STK10: variants seen among roughly 807,000 people sequenced by gnomAD.
The protein encoded by STK10 is serine/threonine-protein kinase 10.
In STK10, 78 loss-of-function variants were observed where a neutral mutation model predicts 113.8. That is an observed-to-expected ratio of 0.69 (90% CI 0.57 to 0.83). The LOEUF (loss-of-function observed/expected upper bound fraction) is 0.83, where lower values mean the gene tolerates loss of function less well. Ranked by LOEUF, STK10 falls within the 40% of genes least tolerant of loss-of-function variation. STK10 has a pLI of 0.00. For synonymous variants in STK10, 465 were observed against 494.7 expected (o/e 0.94, Z 0.80); for missense variants, 1,109 against 1,280.1 (o/e 0.87, Z 2.04).
intron 6 of STK10, among the ~76,000 whole-genome samples, chr5:172,106,401 CAAA>C (rs368671444): frequency 0.067 from 3,580 of 53,454 alleles, 283 homozygotes; most frequent in African/African-American, 0.19. Flanking sequence ...GACCCTATCT[CAAA>C]AAAAAAAAAA....
intron 16 of STK10, among the ~76,000 whole-genome samples, chr5:172,055,068 C>T (rs1767715033): frequency 6.6e-6 from 1 of 152,220 alleles, no homozygotes; most frequent in African/African-American, 2.4e-5. Context: ...GAATTGGCAA[C>T]ATAGCACCAA....
intron 1 of STK10, among the ~76,000 whole-genome samples, chr5:172,159,296 T>C (rs1303478517): frequency 6.6e-6 from 1 of 152,044 alleles, no homozygotes; most frequent in Admixed American, 6.6e-5. Context: ...TCCCAGCATT[T>C]GGGAATCCGA....
intron 13 of STK10, among the ~76,000 whole-genome samples, chr5:172,062,952 T>C (rs1206872076): frequency 3.3e-5 from 5 of 152,228 alleles, no homozygotes; most frequent in South Asian, 2.1e-4. Flanking sequence ...CTTTCCATGT[T>C]ATAATGTGAT....
chr5:172,094,248 G>A (rs767237041), intron 8 of STK10, among the ~76,000 whole-genome samples: 25 of 152,188 alleles, frequency 1.6e-4, no homozygotes, highest in Non-Finnish European at 2.9e-4. Context: ...GCCAGCTCAT[G>A]GCCCACAGGG....
At chr5:172,060,915 C>A (rs898017883) in intron 14 of STK10, among the ~76,000 whole-genome samples, 2 of 152,228 alleles carry the variant, frequency 1.3e-5, no homozygotes, top group Admixed American at 6.5e-5. Context: ...CTTTTCTTCT[C>A]TTGACTTCTG....
chr5:172,074,512 A>G (rs1353172834), intron 12 of STK10, among the ~76,000 whole-genome samples: 1 of 152,194 alleles, frequency 6.6e-6, no homozygotes, highest in Non-Finnish European at 1.5e-5. Context: ...TTATTATAGC[A>G]GTAATAATAA....
At chr5:172,067,001 C>T (rs1245022134) in intron 12 of STK10, among the ~76,000 whole-genome samples, 1 of 152,156 alleles carries the variant, frequency 6.6e-6, no homozygotes, top group Non-Finnish European at 1.5e-5. Flanking sequence ...AAACAAAAAA[C>T]ATCTACATTC....
rs1356397656 is a variant in STK10 at position 172,082,776 on chromosome 5, C to T, written c.1809+185G>A. ...GAGATCCTCCTGTGGGACTCAGGAT[C>T]GCTGTGACCTTCACGGGGTTCTGTG... On this transcript the variant is annotated intron_variant, in intron 11 of 18. Coordinates refer to ENST00000176763, the MANE Select transcript of STK10 (RefSeq NM_005990.4). The surrounding 1 kb of genome is among the most constrained non-coding windows in gnomAD (Gnocchi z 4.3). Among the ~76,000 whole-genome samples, 3 of 152,156 alleles carry T rather than the reference C, an allele frequency of 2.0e-5. No homozygotes were observed. Among genetic ancestry groups the T allele is most frequent in the South Asian group, 4.1e-4 (2 of 4,830 alleles).
At chr5:172,056,538 G>T (rs1767764081) in intron 15 of STK10, among the ~76,000 whole-genome samples, 1 of 151,892 alleles carries the variant, frequency 6.6e-6, no homozygotes, top group Non-Finnish European at 1.5e-5. Flanking sequence ...GGAAAGGGAG[G>T]ACAAAAAGAG....
intron 12 of STK10, among the ~76,000 whole-genome samples, chr5:172,076,618 A>G (rs907260009): frequency 6.6e-6 from 1 of 152,204 alleles, no homozygotes; most frequent in Non-Finnish European, 1.5e-5. Context: ...ATGTTTCCAG[A>G]TATTGCCAAT....
rs773801881 is a variant in STK10 at position 172,064,725 on chromosome 5, GCTGCTTTTT to G, written c.2068_2076del (p.Lys690_Gln692del). The G allele has an allele frequency of 6.2e-7, 1 of 1,614,082 alleles. No individual in the cohort carries two copies. Among genetic ancestry groups the G allele is most frequent in the South Asian group, 1.1e-5 (1 of 91,080 alleles). ...AGCTGAGGCCAGGGACTCACAAGAA[GCTGCTTTTT>G]CTGCGTGTGCTCCTCCATCTTCTGC... is the stretch of plus-strand genomic sequence containing the variant. On this transcript the variant is annotated inframe_deletion, in exon 13 of 19. Coordinates refer to ENST00000176763, the MANE Select transcript of STK10 (RefSeq NM_005990.4).
chr5:172,054,792 G>A, intron 16 of STK10, 98 bp from the exon 17 acceptor site: 1 of 1,540,286 alleles, frequency 6.5e-7, no homozygotes. Flanking sequence ...CCCTCAGGGG[G>A]ACTGGTCTGT....
intron 10 of STK10, among the ~76,000 whole-genome samples, chr5:172,085,874 T>A (rs908051109): frequency 6.6e-6 from 1 of 152,070 alleles, no homozygotes; most frequent in East Asian, 1.9e-4. Flanking sequence ...CTGATTCCCA[T>A]GAGGCCACGC....
intron 10 of STK10, among the ~76,000 whole-genome samples, chr5:172,085,942 C>T (rs1768549573): frequency 6.6e-6 from 1 of 151,988 alleles, no homozygotes; most frequent in South Asian, 2.1e-4. Context: ...CACAGAACTG[C>T]CCCCCAAGAG....
rs566340494 is a variant in STK10 at position 172,055,579 on chromosome 5, G to A, written c.2526+9C>T. 1.5e-4 allele frequency: 212 copies of A among 1,458,144 alleles called. No individual in the cohort carries two copies. In the South Asian group the frequency reaches 2.2e-3, roughly 15 times the overall value. The allele number at this position is 1,458,144 out of a possible 1,614,324, so 90.3% of individuals were successfully genotyped here. A position where few individuals can be genotyped will look rare whatever the true frequency, so the allele number is the denominator to read the frequency against. ...GCACACTTGCAGACCCCGCAGGCCC[G>A]GCCCCCACCTGCTTGATCTTCTCAC... On this transcript the variant is annotated intron_variant, in intron 16 of 18. Coordinates refer to ENST00000176763, the MANE Select transcript of STK10 (RefSeq NM_005990.4).
chr5:172,099,788 C>T lies in STK10; in HGVS notation c.871-3228G>A, dbSNP rs1007582984. The stretch of plus-strand genomic sequence containing the variant: ...TTCACTGCAGTGGCTGAAGCAGACG[C>T]GGCAGAAATAAATAAACACAGGCAG... On this transcript the variant is annotated intron_variant, in intron 7 of 18. Coordinates refer to ENST00000176763, the MANE Select transcript of STK10 (RefSeq NM_005990.4). 2.4e-4 allele frequency among the ~76,000 whole-genome samples: 37 copies of T among 152,348 alleles called. 1 individual carries two copies. Among genetic ancestry groups the T allele is most frequent in the Admixed American group, 2.4e-3 (36 of 15,304 alleles).
chr5:172,085,701 A>G (rs78862789), intron 10 of STK10, among the ~76,000 whole-genome samples: 38 of 145,898 alleles, frequency 2.6e-4, no homozygotes, highest in Non-Finnish European at 4.0e-4. Context: ...AAAAAAAAAA[A>G]AGAGAGAGAA....
chr5:172,122,120 C>G (rs1251295569), intron 3 of STK10, among the ~76,000 whole-genome samples: 2 of 152,168 alleles, frequency 1.3e-5, no homozygotes, highest in Admixed American at 6.5e-5. Context: ...CCCGCCGCAG[C>G]CTTCCTAAGT....
rs2113674203 is a variant in STK10, at chr5:172,044,049, C to T, written c.*833G>A. On this transcript the variant is annotated 3_prime_UTR_variant, in exon 19 of 19. Coordinates refer to ENST00000176763, the MANE Select transcript of STK10 (RefSeq NM_005990.4). This position sits in a 1 kb window ranked among gnomAD's most constrained non-coding sequence, Gnocchi z 4.5. The stretch of plus-strand genomic sequence containing the variant: ...CAGTACAGCCTGTGCTTTTCCATGC[C>T]TCCGGTGCCAACACCCCGCACGTGC... 1 of 152,646 alleles carries T rather than the reference C, an allele frequency of 6.6e-6. No individual in the cohort carries two copies. The highest frequency in any genetic ancestry group is 1.5e-5 in the Non-Finnish European group (1 of 68,296). 9.5% of individuals were successfully genotyped at this position (152,646 alleles called of 1,614,324 possible). A position where few individuals can be genotyped will look rare whatever the true frequency, so the allele number is the denominator to read the frequency against.
Sources: allele counts gnomAD v4.1 joint callset (sites outside exome capture counted in the v4.1 genomes callset), GRCh38; gene constraint gnomAD v4.1.1; non-coding constraint Gnocchi (gnomAD v3.1); transcripts MANE v1.5; gene names NCBI Gene and HGNC (gene_info 2026-07-23, HGNC 2026-07-21).